The following FSD2 variants were observed in gnomAD, a reference collection of about 807,000 sequenced individuals.
FSD2 encodes fibronectin type III and SPRY domain containing 2.
In FSD2, 71 loss-of-function variants were observed where a neutral mutation model predicts 80.4. The ratio of observed to expected loss-of-function variants is 0.88; its 90% CI spans 0.73 to 1.08. The LOEUF (loss-of-function observed/expected upper bound fraction) is 1.08, where lower values mean the gene tolerates loss of function less well. FSD2 is among the 50% of genes least tolerant of loss of function. The pLI, the probability that FSD2 is intolerant of heterozygous loss-of-function variation, is 0.00. For synonymous variants in FSD2, 361 were observed against 329.5 expected, an observed-to-expected ratio of 1.10 and a Z score of -1.03; for missense variants, 923 against 913.8, an observed-to-expected ratio of 1.01 and a Z score of -0.13.
At chr15:82,773,043 C>T (rs777879812) in intron 6 of FSD2, among the ~76,000 whole-genome samples, 6 of 152,158 alleles carry the variant, frequency 3.9e-5, no homozygotes, top group Admixed American at 2.0e-4. Context: ...GACAGGGCTT[C>T]GCCATTTTGG....
chr15:82,765,093 T>G lies in FSD2; in HGVS notation c.1820+73A>C. 2.0e-6 allele frequency: 3 copies of G among 1,482,576 alleles called. No homozygotes were observed. In the South Asian group the frequency reaches 4.3e-5, roughly 21 times the overall value. The allele number at this position is 1,482,576 out of a possible 1,614,324, so 91.8% of individuals were successfully genotyped here. A position where few individuals can be genotyped will look rare whatever the true frequency, so the allele number is the denominator to read the frequency against. On this transcript the variant is annotated intron_variant, in intron 11 of 12. Transcript: ENST00000334574. ...CCTCGAGGCTGCCTCCGTGCCATAT[T>G]CGGATTTGACCTGAATAACAGTGCA...
chr15:82,786,653 C>G (rs1183980415), intron 2 of FSD2, 47 bp from the exon 3 acceptor site: 1 of 1,601,910 alleles, frequency 6.2e-7, no homozygotes. Flanking sequence ...TACATCTTCT[C>G]TCACTCTTGT....
At chr15:82,780,322 TC>T in intron 4 of FSD2, 55 bp from the exon 5 acceptor site, 1 of 1,277,422 alleles carries the variant, frequency 7.8e-7, no homozygotes, top group Non-Finnish European at 1.1e-6. Flanking sequence ...ATTTCTTTTT[TC>T]TTTTTCTTTC....
chr15:82,772,112 G>C lies in FSD2; in HGVS notation c.1228C>G (p.Arg410Gly). Residue 410 changes from arginine to glycine, a missense_variant, in exon 7 of 13, where the codon CGG (arginine) becomes GGG (glycine). By Grantham distance (125) the Arg-to-Gly change is moderately radical. Coordinates refer to ENST00000334574, the MANE Select transcript of FSD2 (RefSeq NM_001007122.4). ...DTVESYQLSY[R>G]PVQDSSPGTD... ...CCAGGTGAGCTGTCCTGCACTGGCC[G>C]GTAGGACAGCTGATAGCTCTCCACA... 1 of 1,604,414 alleles carries C rather than the reference G, an allele frequency of 6.2e-7. No homozygotes were observed.
At chr15:82,772,277 G>A (rs1457253142) in intron 6 of FSD2, 49 bp from the exon 7 acceptor site, 1 of 1,543,372 alleles carries the variant, frequency 6.5e-7, no homozygotes, top group Non-Finnish European at 8.8e-7. Context: ...AGAGGTGTGG[G>A]GTGACAGTGG....
intron 1 of FSD2, among the ~76,000 whole-genome samples, chr15:82,793,758 A>C (rs1211413270): frequency 1.3e-5 from 2 of 152,106 alleles, no homozygotes; most frequent in Non-Finnish European, 2.9e-5. Context: ...TATTTCATTT[A>C]AATTATCTAA....
Position 82,787,344 on chromosome 15 carries a change from G to A in FSD2, c.47C>T (p.Pro16Leu). 6.2e-7 allele frequency: 1 copy of A among 1,613,630 alleles called. No homozygotes were observed. Among genetic ancestry groups the A allele is most frequent in the Non-Finnish European group, 8.5e-7 (1 of 1,179,734 alleles). The change falls in exon 2 of 13, where the codon CCC (proline) becomes CTC (leucine). Residue 16 changes from proline (P) to leucine (L), a missense_variant. Physicochemically the swap from Pro to Leu is moderately conservative, Grantham distance 98 (BLOSUM62 -3). Coordinates refer to ENST00000334574, the MANE Select transcript of FSD2 (RefSeq NM_001007122.4). ...CATGTGGTAAAAGTGGAAATCCTTG[G>A]GAGTAGACCTGTCCAGCCCCAGTTC... ...GEELGLDRST[P>L]KDFHFYHMDL...
chr15:82,762,197 G>C lies in FSD2; in HGVS notation c.1902C>G (p.Tyr634Ter). Residue 634 changes from tyrosine (Y) to a stop codon, truncating the protein, a stop_gained, in exon 12 of 13, where the codon TAC (tyrosine) becomes TAG (stop). Transcript: ENST00000334574. LOFTEE classifies it high-confidence loss of function. ...WEVEVDEHLD[Y>*]RVGVAFADVR... ...CATCTGCAAAGGCCACACCAACTCTGTAGTCCAAATGCTCATCCACCTCCA... is the reference window on the plus strand; with the variant it reads ...CATCTGCAAAGGCCACACCAACTCTCTAGTCCAAATGCTCATCCACCTCCA... 1 of 1,613,858 alleles carries C rather than the reference G, an allele frequency of 6.2e-7. No homozygotes were observed. Among genetic ancestry groups the C allele is most frequent in the Middle Eastern group, 1.6e-4 (1 of 6,062 alleles).
chr15:82,765,050 T>G, intron 11 of FSD2, 116 bp downstream of exon 11: 43 of 1,238,346 alleles, frequency 3.5e-5, no homozygotes, highest in Non-Finnish European at 4.3e-5. Context: ...TCCTCACTCA[T>G]TTGTAGGATT....
chr15:82,787,156 C>T lies in FSD2; in HGVS notation c.235G>A (p.Gly79Arg). Residue 79 changes from glycine (G) to arginine (R), a missense_variant, in exon 2 of 13, where the codon GGA (glycine) becomes AGA (arginine). Coordinates refer to ENST00000334574, the MANE Select transcript of FSD2 (RefSeq NM_001007122.4). ...CCTAATTCATGATCATCTTCAAGTC[C>T]ATATAAGTGGACAAGTTCATCCACT... The part of the protein sequence containing the change: ...EEVDELVHLY[G>R]LEDDHELGDE... 1 of 1,613,996 alleles carries T rather than the reference C, an allele frequency of 6.2e-7. No homozygotes were observed. The highest frequency in any genetic ancestry group is 8.5e-7 in the Non-Finnish European group (1 of 1,179,890).
intron 1 of FSD2, among the ~76,000 whole-genome samples, chr15:82,802,574 C>T (rs1013438584): frequency 6.6e-6 from 1 of 152,146 alleles, no homozygotes; most frequent in African/African-American, 2.4e-5. Context: ...TCTTACTTGG[C>T]ATCATGGGGG....
intron 5 of FSD2, 62 bp from the exon 6 acceptor site, chr15:82,778,949 T>G: frequency 6.4e-7 from 1 of 1,552,762 alleles, no homozygotes; most frequent in East Asian, 2.3e-5. Context: ...GGTATATATA[T>G]AGTGCTGAGT....
chr15:82,762,083 T>C lies in FSD2; in HGVS notation c.1997+19A>G. 1 of 1,548,672 alleles carries C rather than the reference T, an allele frequency of 6.5e-7. No homozygotes were observed. Among genetic ancestry groups the C allele is most frequent in the Non-Finnish European group, 8.7e-7 (1 of 1,146,162 alleles). On this transcript the variant is annotated intron_variant, in intron 12 of 12. Transcript: ENST00000334574. ...TTCAAAAGCAAATTTTAATTGTGAG[T>C]ATCCAGATTTTACTTTACCTTGATG...
At chr15:82,801,431 G>T (rs1270082863) in intron 1 of FSD2, among the ~76,000 whole-genome samples, 2 of 152,174 alleles carry the variant, frequency 1.3e-5, no homozygotes, top group African/African-American at 4.8e-5. Context: ...AGCCTTCTCT[G>T]ATGGTAGACG....
rs60095355 is a variant in FSD2 at position 82,764,492 on chromosome 15, C to CTTTTT, written c.1820+669_1820+673dup. On this transcript the variant is annotated intron_variant, in intron 11 of 12. Transcript: ENST00000334574. ...CTCTTGTTGCTTCATTCTTTACTTG[C>CTTTTT]TTTTTTTTTTTTTTTTTTTTGAGAA... is the stretch of plus-strand genomic sequence containing the variant. Among the ~76,000 whole-genome samples the CTTTTT allele has an allele frequency of 5.3e-4, 46 of 86,128 alleles. 3 individuals carry two copies. Among genetic ancestry groups the CTTTTT allele is most frequent in the East Asian group, 9.7e-4 (3 of 3,108 alleles). The allele number at this position is 86,128 out of a possible 152,430, so 56.5% of individuals were successfully genotyped here. A position where few individuals can be genotyped will look rare whatever the true frequency, so the allele number is the denominator to read the frequency against.
At chr15:82,782,425 AAAC>A (rs373960984) in intron 4 of FSD2, among the ~76,000 whole-genome samples, 5 of 152,162 alleles carry the variant, frequency 3.3e-5, no homozygotes, top group African/African-American at 1.2e-4. Flanking sequence ...AAACAAAACA[AAAC>A]AACAACAACA....
intron 1 of FSD2, among the ~76,000 whole-genome samples, chr15:82,802,835 C>T (rs753393223): frequency 2.6e-5 from 4 of 152,130 alleles, no homozygotes; most frequent in Admixed American, 6.5e-5. Flanking sequence ...ATGGAATGAC[C>T]TGGAAAGTCT....
intron 1 of FSD2, among the ~76,000 whole-genome samples, chr15:82,804,892 C>T (rs1288980703): frequency 6.6e-6 from 1 of 152,146 alleles, no homozygotes; most frequent in Non-Finnish European, 1.5e-5. Flanking sequence ...CCCTCAACAC[C>T]TAGACTCTTT....
chr15:82,800,691 C>CAAAAAA (rs769762172), intron 1 of FSD2, among the ~76,000 whole-genome samples: 5,420 of 47,742 alleles, frequency 0.11, 681 homozygotes, highest in African/African-American at 0.17. Context: ...GATTCTGTCT[C>CAAAAAA]AAAAAAAAAA....
Sources: allele counts gnomAD v4.1 joint callset (sites outside exome capture counted in the v4.1 genomes callset), GRCh38; gene constraint gnomAD v4.1.1; transcripts MANE v1.5; gene names NCBI Gene and HGNC (gene_info 2026-07-23, HGNC 2026-07-21).